Variants in CORO2B observed in about 807,000 individuals in gnomAD.
CORO2B encodes coronin-2B.
CORO2B carries 26 observed loss-of-function variants against 58.8 expected under a neutral mutation model. The ratio of observed to expected loss-of-function variants is 0.44; its 90% CI spans 0.32 to 0.61. CORO2B has a LOEUF of 0.61. Ranked by LOEUF, CORO2B falls within the 20% of genes least tolerant of loss-of-function variation. The pLI is 0.04. For synonymous variants in CORO2B, 242 were observed against 253.8 expected (o/e 0.95, Z 0.44); for missense variants, 460 against 645.1 (o/e 0.71, Z 3.11).
intron 1 of CORO2B, among the ~76,000 whole-genome samples, chr15:68,604,669 C>T (rs1900063828): frequency 6.6e-6 from 1 of 151,720 alleles, no homozygotes; most frequent in Admixed American, 6.5e-5. Context: ...TTCCTCATCC[C>T]AGCATTCCAA....
At chr15:68,564,858 A>G in the CORO2B span, among the ~76,000 whole-genome samples, 1 of 152,206 alleles carries the variant, frequency 6.6e-6, no homozygotes, top group Admixed American at 6.5e-5. Flanking sequence ...TTTTCTGTTG[A>G]AAATATTTTA....
chr15:68,664,282 C>T (rs1003268388), intron 2 of CORO2B, among the ~76,000 whole-genome samples: 6 of 152,114 alleles, frequency 3.9e-5, no homozygotes, highest in Non-Finnish European at 5.9e-5. Flanking sequence ...AATTGCTTTC[C>T]GTTGAGATTG....
At chr15:68,637,178 C>G (rs936649579) in intron 1 of CORO2B, among the ~76,000 whole-genome samples, 1 of 152,194 alleles carries the variant, frequency 6.6e-6, no homozygotes, top group Non-Finnish European at 1.5e-5. Context: ...GTCTGAGAGA[C>G]GCTATGCTGA....
At chr15:68,622,881 G>C (rs529316670) in intron 1 of CORO2B, among the ~76,000 whole-genome samples, 26 of 152,194 alleles carry the variant, frequency 1.7e-4, no homozygotes, top group Non-Finnish European at 3.7e-4. Context: ...GGCTGGTGGT[G>C]GTGATGGTGA....
the CORO2B span, among the ~76,000 whole-genome samples, chr15:68,550,846 C>T: frequency 1.3e-5 from 2 of 152,166 alleles, no homozygotes; most frequent in Non-Finnish European, 2.9e-5. Context: ...ACTAAAATGG[C>T]TGTACTGTGT....
intron 1 of CORO2B, chr15:68,632,334 C>T: frequency 6.1e-6 from 6 of 984,980 alleles, no homozygotes; most frequent in Non-Finnish European, 7.2e-6. Flanking sequence ...ATCCAGGAGC[C>T]CCACCTGGTA....
At chr15:68,585,870 G>A (rs1376134348) in intron 1 of CORO2B, among the ~76,000 whole-genome samples, 2 of 152,222 alleles carry the variant, frequency 1.3e-5, no homozygotes, top group African/African-American at 4.8e-5. Context: ...AGATTGGGCT[G>A]CTTGGGTAGG....
chr15:68,603,552 A>T (rs1900035179), intron 1 of CORO2B, among the ~76,000 whole-genome samples: 1 of 151,908 alleles, frequency 6.6e-6, no homozygotes, highest in African/African-American at 2.4e-5. Flanking sequence ...TGAAGCCCTA[A>T]CCCCCAGTGT....
At chr15:68,642,794 C>T (rs1366747678) in intron 1 of CORO2B, among the ~76,000 whole-genome samples, 7 of 152,166 alleles carry the variant, frequency 4.6e-5, no homozygotes, top group Admixed American at 6.5e-5. Flanking sequence ...CTATGTAGAT[C>T]AGAGTGAGTC....
At chr15:68,715,417 A>G in intron 8 of CORO2B, 106 bp downstream of exon 8, 1 of 787,468 alleles carries the variant, frequency 1.3e-6, no homozygotes, top group South Asian at 1.6e-5. Flanking sequence ...TCAGAAGGCC[A>G]TAGCACATGG....
At chr15:68,562,447 A>G in the CORO2B span, among the ~76,000 whole-genome samples, 2 of 152,188 alleles carry the variant, frequency 1.3e-5, no homozygotes, top group African/African-American at 4.8e-5. Flanking sequence ...TTCCCAGAGT[A>G]TAGGGCTCAT....
intron 2 of CORO2B, among the ~76,000 whole-genome samples, chr15:68,646,151 C>G (rs1413481696): frequency 2.0e-5 from 3 of 152,072 alleles, no homozygotes; most frequent in Non-Finnish European, 4.4e-5. Flanking sequence ...CACCTCCTAT[C>G]TAAAGATTTT....
At chr15:68,681,842 G>C (rs1034447837) in intron 2 of CORO2B, among the ~76,000 whole-genome samples, 1 of 152,196 alleles carries the variant, frequency 6.6e-6, no homozygotes, top group Non-Finnish European at 1.5e-5. Context: ...AGATAACACA[G>C]ATGTAGTTAT....
intron 1 of CORO2B, among the ~76,000 whole-genome samples, chr15:68,617,104 A>G (rs1005447645): frequency 6.6e-6 from 1 of 152,152 alleles, no homozygotes; most frequent in Non-Finnish European, 1.5e-5. Flanking sequence ...GTTGGGACTG[A>G]GACAGAGCCA....
In CORO2B at chr15:68,632,794, G is replaced by A. The variant is rs913278513; in HGVS notation, c.16-12366G>A. ...TTTAGTAGAGATGGGGTTTTGCCACGTTGGTCAGGCTGGTCTCAAACTCCT... is the reference window on the plus strand; with the variant it reads ...TTTAGTAGAGATGGGGTTTTGCCACATTGGTCAGGCTGGTCTCAAACTCCT... On this transcript the variant is annotated intron_variant, in intron 1 of 11. Coordinates refer to ENST00000261861, the MANE Select transcript of CORO2B (RefSeq NM_006091.5). 3.9e-5 allele frequency among the ~76,000 whole-genome samples: 6 copies of A among 152,258 alleles called. No homozygotes were observed. The East Asian group carries it at 9.7e-4, about 24-fold the overall frequency.
intron 4 of CORO2B, 94 bp from the exon 5 acceptor site, chr15:68,711,448 C>T (rs1199891358): frequency 7.2e-6 from 8 of 1,106,872 alleles, no homozygotes; most frequent in East Asian, 2.6e-5. Flanking sequence ...CTGCATGGGG[C>T]GCTTCTCCCA....
rs778291643 is a variant in CORO2B, at chr15:68,715,272, C to G, written c.928C>G (p.Leu310Val). 1 of 1,614,086 alleles carries G rather than the reference C, an allele frequency of 6.2e-7. No individual in the cohort carries two copies. ...CACTGAGAAGCCCTACCTGAGTTAC[C>G]TCATGGAGTTCCGCTCCCCAGCCCC... ...ISTEKPYLSY[L>V]MEFRSPAPQK... Residue 310 changes from leucine to valine, a missense_variant, in exon 8 of 12, where the codon CTC becomes GTC. Coordinates refer to ENST00000261861, the MANE Select transcript of CORO2B (RefSeq NM_006091.5).
the CORO2B span, among the ~76,000 whole-genome samples, chr15:68,521,410 A>G: frequency 5.3e-5 from 8 of 152,214 alleles, no homozygotes; most frequent in Non-Finnish European, 1.0e-4. Flanking sequence ...TTGTGTTATT[A>G]TTGTCTACAT....
the CORO2B span, among the ~76,000 whole-genome samples, chr15:68,527,873 T>G: frequency 6.6e-6 from 1 of 152,180 alleles, no homozygotes; most frequent in African/African-American, 2.4e-5. Context: ...TATCCCAAAG[T>G]GTTTCCTATT....
Sources: allele counts gnomAD v4.1 joint callset (sites outside exome capture counted in the v4.1 genomes callset), GRCh38; gene constraint gnomAD v4.1.1; transcripts MANE v1.5; gene names NCBI Gene and HGNC (gene_info 2026-07-23, HGNC 2026-07-21).